Variants in CTSF observed in about 807,000 individuals in gnomAD.
CTSF encodes the protein cathepsin F.
Under a neutral mutation model 63.5 loss-of-function variants are expected in CTSF, and 65 were observed. The observed-to-expected ratio is 1.02, with a 90% CI of 0.84 to 1.26. The LOEUF (loss-of-function observed/expected upper bound fraction) is 1.26, where lower values mean the gene tolerates loss of function less well. Ranked by LOEUF, CTSF falls within the 50% of genes most tolerant of loss-of-function variation. The pLI, the probability that CTSF is intolerant of heterozygous loss-of-function variation, is 0.00. For synonymous variants in CTSF, 256 were observed against 258.1 expected (o/e 0.99, Z 0.08); for missense variants, 641 against 631.0 (o/e 1.02, Z -0.17).
At position 66,563,749 on chromosome 11, in the gene CTSF, C is replaced by G; in HGVS notation, c.*184G>C. On this transcript the variant is annotated 3_prime_UTR_variant, in exon 13 of 13. Transcript: ENST00000310325. ...CAACAAAGGTGCAGGTGCAGAACTT[C>G]AGGGTGGGAATGGGGTGCAGGGAAG... 1 of 683,392 alleles carries G rather than the reference C, an allele frequency of 1.5e-6. No homozygotes were observed. The highest frequency in any genetic ancestry group is 2.4e-6 in the Non-Finnish European group (1 of 410,446). The allele number at this position is 683,392 out of a possible 1,614,324, so 42.3% of individuals were successfully genotyped here. A position where few individuals can be genotyped will look rare whatever the true frequency, so the allele number is the denominator to read the frequency against.
intron 2 of CTSF, 154 bp from the exon 3 acceptor site, chr11:66,567,816 C>A: frequency 7.4e-6 from 10 of 1,359,192 alleles, no homozygotes; most frequent in Non-Finnish European, 9.9e-6. Context: ...TGCACCGGGG[C>A]ATCCTCCCCT....
In CTSF at chr11:66,563,954, G is replaced by A. The variant is rs753484916; in HGVS notation, c.1434C>T (p.Ala478=). The A allele has an allele frequency of 4.3e-6, 7 of 1,613,406 alleles. No individual in the cohort carries two copies. Among genetic ancestry groups the A allele is most frequent in the Non-Finnish European group, 5.1e-6 (6 of 1,180,028 alleles). ...CTCTTCAGTCCACCACCGCCGAGCT[G>A]GCCATGGTGTTCACGCCACAGGCCC... is the stretch of plus-strand genomic sequence containing the variant. The part of the protein sequence containing the change: ...GSGACGVNTM[A]SSAVVD Residue 478 remains alanine, a synonymous_variant, in exon 13 of 13, where the codon GCC becomes GCT. Transcript: ENST00000310325.
In CTSF at chr11:66,564,619, G is replaced by A. The variant is rs1250737788; in HGVS notation, c.1260C>T (p.Leu420=). 6.2e-7 allele frequency: 1 copy of A among 1,605,554 alleles called. No homozygotes were observed. Among genetic ancestry groups the A allele is most frequent in the African/African-American group, 1.3e-5 (1 of 74,840 alleles). The change falls in exon 11 of 13, where the codon CTC becomes CTT. Residue 420 remains leucine (L), a synonymous_variant. Coordinates refer to ENST00000310325, the MANE Select transcript of CTSF (RefSeq NM_003793.4). Reference sequence around the variant, plus strand: ...TGAGCCAAGGGCTGCAGAGGGGCCGGAGAGGGCGGGAGATCCCGTGGCGGT... The same window carrying A: ...TGAGCCAAGGGCTGCAGAGGGGCCGAAGAGGGCGGGAGATCCCGTGGCGGT... ...QFYRHGISRP[L]RPLCSPWLID...
Position 66,566,103 on chromosome 11 carries a change from C to T in CTSF, c.786G>A (p.Lys262=). The change falls in exon 6 of 13, where the codon AAG becomes AAA. Residue 262 remains lysine, a synonymous_variant. Transcript: ENST00000310325. ...CGAGGTCACCCACAGACTTGGCTTG[C>T]TTCATCTTGTTGCCAGGCTCTTTCC... ...LLRKEPGNKM[K]QAKSVGDLAP... 1 of 1,614,170 alleles carries T rather than the reference C, an allele frequency of 6.2e-7. No individual in the cohort carries two copies. Among genetic ancestry groups the T allele is most frequent in the South Asian group, 1.1e-5 (1 of 91,088 alleles).
chr11:66,568,327 G>T lies in CTSF; in HGVS notation c.160C>A (p.Arg54=), dbSNP rs776443007. 113 of 1,315,514 alleles carry T rather than the reference G, an allele frequency of 8.6e-5. No individual in the cohort carries two copies. The highest frequency in any genetic ancestry group is 2.9e-4 in the Admixed American group (7 of 23,844). 81.5% of individuals were successfully genotyped at this position (1,315,514 alleles called of 1,614,324 possible). A position where few individuals can be genotyped will look rare whatever the true frequency, so the allele number is the denominator to read the frequency against. The change falls in exon 1 of 13, where the codon CGG becomes AGG. Residue 54 remains arginine, a synonymous_variant. Transcript: ENST00000310325. ...AGCACGGCCCGCGTCCCCGCAGCCC[G>T]GCCGCGGTTGAACATCTCCAGCGCG... ...RFALEMFNRG[R]AAGTRAVLGL...
At chr11:66,567,809 AC>A in intron 2 of CTSF, 147 bp from the exon 3 acceptor site, 1 of 1,372,502 alleles carries the variant, frequency 7.3e-7, no homozygotes, top group East Asian at 2.4e-5. Flanking sequence ...CACGGCCTGC[AC>A]CGGGGCATCC....
chr11:66,568,413 C>A lies in CTSF; in HGVS notation c.74G>T (p.Arg25Leu). Residue 25 changes from arginine (R) to leucine (L), a missense_variant, in exon 1 of 13, where the codon CGA (arginine) becomes CTA (leucine). Transcript: ENST00000310325. ...PGAVAAPAQP[R>L]AASFQAWGPP... ...CCCCCAGGCCTGAAAGCTGGCGGCT[C>A]GGGGCTGGGCGGGGGCGGCCACTGC... 7.5e-7 allele frequency: 1 copy of A among 1,334,406 alleles called. No homozygotes were observed. Among genetic ancestry groups the A allele is most frequent in the South Asian group, 2.0e-5 (1 of 49,078 alleles). 82.7% of individuals were successfully genotyped at this position (1,334,406 alleles called of 1,614,324 possible). A position where few individuals can be genotyped will look rare whatever the true frequency, so the allele number is the denominator to read the frequency against.
Position 66,564,284 on chromosome 11 carries a change from C to A in CTSF, c.1322-138G>T, listed in dbSNP as rs189448201. 5.4e-4 allele frequency: 604 copies of A among 1,125,748 alleles called. 1 individual carries two copies. The African/African-American group carries it at 7.1e-3, about 13-fold the overall frequency. The allele number at this position is 1,125,748 out of a possible 1,614,324, so 69.7% of individuals were successfully genotyped here. A position where few individuals can be genotyped will look rare whatever the true frequency, so the allele number is the denominator to read the frequency against. On this transcript the variant is annotated intron_variant, in intron 11 of 12. Transcript: ENST00000310325. Reference sequence around the variant, plus strand: ...GGAAAAGAGCAGAAAGCGAGGGGCCCACCTACCAGCCTCAGGGAGAAGCCC... The same window carrying A: ...GGAAAAGAGCAGAAAGCGAGGGGCCAACCTACCAGCCTCAGGGAGAAGCCC...
intron 11 of CTSF, 21 bp from the exon 12 acceptor site, chr11:66,564,167 C>T: frequency 6.2e-7 from 1 of 1,604,462 alleles, no homozygotes; most frequent in East Asian, 2.2e-5. Context: ...GTGCAGAGCG[C>T]AAGGATCAGG....
chr11:66,566,474 G>T (rs1857935868), intron 4 of CTSF, 70 bp from the exon 5 acceptor site: 3 of 1,427,026 alleles, frequency 2.1e-6, no homozygotes, highest in Non-Finnish European at 2.9e-6. Flanking sequence ...ATTGGGGCTA[G>T]CAGGCAGGGG....
At chr11:66,566,000 C>G (rs1857921763) in intron 6 of CTSF, 22 bp downstream of exon 6, 1 of 1,613,984 alleles carries the variant, frequency 6.2e-7, no homozygotes, top group Admixed American at 1.7e-5. Context: ...CCATGTCCCA[C>G]CCTCACTTCC....
chr11:66,565,970 C>T (rs1326157281), intron 6 of CTSF, 43 bp from the exon 7 acceptor site: 19 of 1,614,100 alleles, frequency 1.2e-5, no homozygotes, highest in Admixed American at 3.3e-5. Context: ...CGGGCCCCTT[C>T]GTCAGCCCCA....
chr11:66,567,560 A>G lies in CTSF; in HGVS notation c.415T>C (p.Ser139Pro). The change falls in exon 3 of 13, where the codon TCA becomes CCA. Residue 139 changes from serine (S) to proline (P), a missense_variant. Ser to Pro is a moderately conservative substitution (Grantham distance 74). Transcript: ENST00000310325. ...ATGGCTGAGCCCTGAGTGAAGGCTG[A>G]CTTGGGCTCCCCAGCACCTGGAACC... ...TKVPGAGEPK[S>P]AFTQGSAMIS... 1.9e-6 allele frequency: 3 copies of G among 1,614,190 alleles called. No individual in the cohort carries two copies. The highest frequency in any genetic ancestry group is 2.5e-6 in the Non-Finnish European group (3 of 1,180,028).
rs145087378 is a variant in CTSF at position 66,564,641 on chromosome 11, C to A, written c.1238G>T (p.Arg413Leu). The change falls in exon 11 of 13, where the codon CGC (arginine) becomes CTC (leucine). Residue 413 changes from arginine (R) to leucine (L), a missense_variant. Physicochemically the swap from Arg to Leu is moderately radical, Grantham distance 102. Transcript: ENST00000310325. ...CCGGAGAGGGCGGGAGATCCCGTGG[C>A]GGTAAAACTGGAGGTGGAGAAGGAG... ...AINAFGMQFY[R>L]HGISRPLRPL... 1.2e-6 allele frequency: 2 copies of A among 1,610,236 alleles called. No individual in the cohort carries two copies. Among genetic ancestry groups the A allele is most frequent in the Admixed American group, 1.7e-5 (1 of 59,496 alleles).
Position 66,567,494 on chromosome 11 carries a change from C to T in CTSF, c.481G>A (p.Glu161Lys), listed in dbSNP as rs1440127463. Residue 161 changes from glutamate (E) to lysine (K), a missense_variant, in exon 3 of 13, where the codon GAG becomes AAG. Glu to Lys is a moderately conservative substitution (Grantham distance 56). Transcript: ENST00000310325. ...AGGGAAATGACTGAGCTGAAAGTCT[C>T]GTTTCTGTTGTCTGGATGGTTTTGG... ...LSQNHPDNRN[E>K]TFSSVISLLN... The T allele has an allele frequency of 6.2e-7, 1 of 1,614,182 alleles. No individual in the cohort carries two copies. The highest frequency in any genetic ancestry group is 8.5e-7 in the Non-Finnish European group (1 of 1,180,034).
intron 5 of CTSF, 31 bp from the exon 6 acceptor site, chr11:66,566,198 G>T: frequency 6.2e-7 from 1 of 1,613,942 alleles, no homozygotes; most frequent in African/African-American, 1.3e-5. Context: ...GGCATGGGGA[G>T]GAAGAGTGTT....
rs533325370 is a variant in CTSF at position 66,568,561 on chromosome 11, G to T, written c.-75C>A. ...ACCGGGTACCGAGCCCGCGGCCAGC[G>T]GGGCCTGAGTCCTCCCTCCAGCGGG... On this transcript the variant is annotated 5_prime_UTR_variant, in exon 1 of 13. Coordinates refer to ENST00000310325, the MANE Select transcript of CTSF (RefSeq NM_003793.4). 9.8e-6 allele frequency: 14 copies of T among 1,433,338 alleles called. No homozygotes were observed. The East Asian group carries it at 2.4e-4, about 25-fold the overall frequency. The allele number at this position is 1,433,338 out of a possible 1,614,324, so 88.8% of individuals were successfully genotyped here.
chr11:66,563,470 C>T lies in CTSF; in HGVS notation c.*463G>A. 1 of 474,764 alleles carries T rather than the reference C, an allele frequency of 2.1e-6. No homozygotes were observed. Among genetic ancestry groups the T allele is most frequent in the Non-Finnish European group, 3.7e-6 (1 of 268,740 alleles). The allele number at this position is 474,764 out of a possible 1,614,324, so 29.4% of individuals were successfully genotyped here. ...CTGAGCATTTATACCACACTCGGGACAAGGACACCTCTTTATTGCTGTTAG... is the reference window on the plus strand; with the variant it reads ...CTGAGCATTTATACCACACTCGGGATAAGGACACCTCTTTATTGCTGTTAG... On this transcript the variant is annotated 3_prime_UTR_variant, in exon 13 of 13. Transcript: ENST00000310325.
intron 4 of CTSF, 36 bp downstream of exon 4, chr11:66,567,210 T>TG: frequency 6.2e-7 from 1 of 1,601,280 alleles, no homozygotes; most frequent in Non-Finnish European, 8.6e-7. Context: ...AGTCCTGTTC[T>TG]GATAGGAACA....
Sources: gnomAD v4.1 joint callset for allele counts on GRCh38, gnomAD v4.1.1 for gene constraint, MANE v1.5 for transcripts, NCBI Gene and HGNC (gene_info 2026-07-23, HGNC 2026-07-21) for gene names.